The following DYNC2LI1 variants were observed in gnomAD, a reference collection of about 807,000 sequenced individuals.
DYNC2LI1 encodes the protein cytoplasmic dynein 2 light intermediate chain 1.
Under a neutral mutation model 51.9 loss-of-function variants are expected in DYNC2LI1, and 45 were observed. The observed-to-expected ratio is 0.87, with a 90% CI of 0.68 to 1.11. The LOEUF (loss-of-function observed/expected upper bound fraction) is 1.11. Ranked by LOEUF, DYNC2LI1 falls within the 50% of genes most tolerant of loss-of-function variation. The probability of loss-of-function intolerance (pLI) is 0.00; values close to 1 mark genes in which losing one functional copy is unlikely to be tolerated. For synonymous variants in DYNC2LI1, 130 were observed against 137.8 expected (o/e 0.94, Z 0.40); for missense variants, 490 against 417.4 (o/e 1.17, Z -1.51).
Position 43,800,870 on chromosome 2 carries a change from A to G in DYNC2LI1, c.684A>G (p.Leu228=), listed in dbSNP as rs954839806. Residue 228 remains leucine (L), a synonymous_variant, in exon 9 of 13, where the codon CTA becomes CTG. Coordinates refer to ENST00000260605, the MANE Select transcript of DYNC2LI1 (RefSeq NM_016008.4). ...CCAGTAAATCAGAAGCTCTATTACTAAAAATACGTGGAGTTATCAACCAGT... is the reference window on the plus strand; with the variant it reads ...CCAGTAAATCAGAAGCTCTATTACTGAAAATACGTGGAGTTATCAACCAGT... ...MFTSKSEALL[L]KIRGVINQLA... is the part of the protein sequence containing the mutation. 1.2e-6 allele frequency: 2 copies of G among 1,603,502 alleles called. No homozygotes were observed. The highest frequency in any genetic ancestry group is 3.4e-5 in the Admixed American group (2 of 58,562).
At chr2:43,820,194 G>A in the DYNC2LI1 span, 2 of 1,460,418 alleles carry the variant, frequency 1.4e-6, no homozygotes, top group Non-Finnish European at 1.9e-6. Context: ...TTTGTGGTGA[G>A]TGGGTGGGAG....
At chr2:43,785,608 C>G (rs1457948944) in intron 3 of DYNC2LI1, among the ~76,000 whole-genome samples, 5 of 151,970 alleles carry the variant, frequency 3.3e-5, no homozygotes, top group African/African-American at 1.2e-4. Flanking sequence ...GTGGCGGGCC[C>G]CTGTAATCCC....
downstream of DYNC2LI1, chr2:43,813,324 A>T: frequency 1.3e-6 from 2 of 1,567,660 alleles, no homozygotes; most frequent in Non-Finnish European, 1.8e-6. Flanking sequence ...CAAGGAAAAG[A>T]TTGACAGTGT....
chr2:43,791,517 G>GGA (rs150856355), intron 5 of DYNC2LI1, among the ~76,000 whole-genome samples: 2,144 of 152,252 alleles, frequency 0.014, 60 homozygotes, highest in African/African-American at 0.048. Context: ...ACCTGCTTTA[G>GGA]GAGAGAGGAA....
At chr2:43,777,911 C>G (rs1056194072) in intron 2 of DYNC2LI1, among the ~76,000 whole-genome samples, 2 of 152,114 alleles carry the variant, frequency 1.3e-5, no homozygotes, top group Admixed American at 1.3e-4. Flanking sequence ...AAGCAGGACA[C>G]AAGTGTCATA....
At position 43,787,165 on chromosome 2, in the gene DYNC2LI1, G is replaced by A. The variant is rs771562742; in HGVS notation, c.162-16G>A. The A allele has an allele frequency of 7.5e-6, 12 of 1,596,836 alleles. No individual in the cohort carries two copies. Among genetic ancestry groups the A allele is most frequent in the Admixed American group, 3.3e-5 (2 of 59,742 alleles). On this transcript the variant is annotated splice_polypyrimidine_tract_variant and intron_variant, in intron 3 of 12. Coordinates refer to ENST00000260605, the MANE Select transcript of DYNC2LI1 (RefSeq NM_016008.4). ...TACCACCTACAATGATAATACTATCGGCCTTTATTATACAGAGATGAACCA... is the reference window on the plus strand; with the variant it reads ...TACCACCTACAATGATAATACTATCAGCCTTTATTATACAGAGATGAACCA...
the DYNC2LI1 span, chr2:43,827,885 C>G: frequency 6.4e-7 from 1 of 1,559,582 alleles, no homozygotes; most frequent in Non-Finnish European, 8.7e-7. Flanking sequence ...ACACAAACCC[C>G]TTTCCAAATG....
chr2:43,797,143 T>A (rs4953017), intron 8 of DYNC2LI1, among the ~76,000 whole-genome samples: 67,220 of 152,050 alleles, frequency 0.44, 16,548 homozygotes, highest in African/African-American at 0.67. Flanking sequence ...ATCAACTCTA[T>A]CAGTGTGTGT....
chr2:43,827,835 A>C, the DYNC2LI1 span: 1 of 1,271,902 alleles, frequency 7.9e-7, no homozygotes, highest in Non-Finnish European at 1.1e-6. Flanking sequence ...TTTCCAAAAA[A>C]ACTGGGTCCT....
intron 2 of DYNC2LI1, among the ~76,000 whole-genome samples, chr2:43,777,248 G>T (rs1673067871): frequency 6.6e-6 from 1 of 152,046 alleles, no homozygotes; most frequent in South Asian, 2.1e-4. Flanking sequence ...TTTACTTTTA[G>T]AAATCTCATT....
the DYNC2LI1 span, among the ~76,000 whole-genome samples, chr2:43,826,975 G>T: frequency 6.6e-6 from 1 of 152,232 alleles, no homozygotes; most frequent in African/African-American, 2.4e-5. Context: ...AAGGCCTGAA[G>T]TGTGGCAGGC....
chr2:43,816,802 A>G, the DYNC2LI1 span, among the ~76,000 whole-genome samples: 4 of 152,250 alleles, frequency 2.6e-5, no homozygotes, highest in Non-Finnish European at 4.4e-5. Context: ...ATTATATAAA[A>G]TTCTAGCAAG....
chr2:43,821,596 C>G, the DYNC2LI1 span, among the ~76,000 whole-genome samples: 4 of 152,294 alleles, frequency 2.6e-5, no homozygotes, highest in East Asian at 5.8e-4. Flanking sequence ...GGACCCTATT[C>G]TCCCTTAAGC....
the DYNC2LI1 span, among the ~76,000 whole-genome samples, chr2:43,817,490 A>G: frequency 1.3e-5 from 2 of 151,762 alleles, no homozygotes; most frequent in Non-Finnish European, 2.9e-5. Flanking sequence ...CTCTGCGTCA[A>G]GAAACAAACA....
intron 4 of DYNC2LI1, among the ~76,000 whole-genome samples, chr2:43,789,038 C>T (rs184346313): frequency 6.6e-6 from 1 of 152,272 alleles, no homozygotes; most frequent in Admixed American, 6.5e-5. Flanking sequence ...ACTCTTGTTC[C>T]CCCACCTACC....
Position 43,796,796 on chromosome 2 carries a change from G to T in DYNC2LI1, c.654+1G>T. 6.2e-7 allele frequency: 1 copy of T among 1,612,764 alleles called. No homozygotes were observed. Among genetic ancestry groups the T allele is most frequent in the Non-Finnish European group, 8.5e-7 (1 of 1,179,168 alleles). On this transcript the variant is annotated splice_donor_variant, in intron 8 of 12. Coordinates refer to ENST00000260605, the MANE Select transcript of DYNC2LI1 (RefSeq NM_016008.4). LOFTEE classifies it high-confidence loss of function. ...ACATTATTATGGAGCATCATTAATGGTTTGTACATTTCTTGTCCTTTGGGC... is the reference window on the plus strand; with the variant it reads ...ACATTATTATGGAGCATCATTAATGTTTTGTACATTTCTTGTCCTTTGGGC...
chr2:43,824,375 C>G, the DYNC2LI1 span: 1 of 1,614,064 alleles, frequency 6.2e-7, no homozygotes, highest in Non-Finnish European at 8.5e-7. Context: ...CATCTGGACT[C>G]TCTTGGAGGT....
chr2:43,779,702 G>T (rs1441945013), intron 2 of DYNC2LI1, among the ~76,000 whole-genome samples: 1 of 152,204 alleles, frequency 6.6e-6, no homozygotes. Context: ...AGTAATTCAG[G>T]TGAAGAGTGT....
At chr2:43,791,221 T>A (rs1673767897) in intron 5 of DYNC2LI1, among the ~76,000 whole-genome samples, 1 of 152,024 alleles carries the variant, frequency 6.6e-6, no homozygotes, top group Non-Finnish European at 1.5e-5. Context: ...ACATTGTCTC[T>A]TTAAAAAAGA....
Sources: allele counts gnomAD v4.1 joint callset (sites outside exome capture counted in the v4.1 genomes callset), GRCh38; gene constraint gnomAD v4.1.1; transcripts MANE v1.5; gene names NCBI Gene and HGNC (gene_info 2026-07-23, HGNC 2026-07-21).